PDE3A: variants seen among roughly 807,000 people sequenced by gnomAD.
PDE3A encodes phosphodiesterase 3A.
PDE3A carries 43 observed loss-of-function variants against 98.3 expected under a neutral mutation model. That is an observed-to-expected ratio of 0.44 (90% CI 0.34 to 0.56). The LOEUF (loss-of-function observed/expected upper bound fraction) is 0.56, where lower values mean the gene tolerates loss of function less well. PDE3A is among the 20% of genes least tolerant of loss of function. The pLI, the probability that PDE3A is intolerant of heterozygous loss-of-function variation, is 0.01. For synonymous variants in PDE3A, 663 were observed against 567.9 expected (o/e 1.17, Z -2.38); for missense variants, 1,427 against 1,440.7 (o/e 0.99, Z 0.15).
At chr12:20,469,006 G>A (rs1565559074) in intron 1 of PDE3A, among the ~76,000 whole-genome samples, 1 of 152,154 alleles carries the variant, frequency 6.6e-6, no homozygotes, top group Non-Finnish European at 1.5e-5. Context: ...CTGCACTGGA[G>A]GAGAAGTCCA....
At chr12:20,462,135 AT>A in intron 1 of PDE3A, among the ~76,000 whole-genome samples, 1 of 152,280 alleles carries the variant, frequency 6.6e-6, no homozygotes, top group African/African-American at 2.4e-5. Context: ...TGTTCTTCTC[AT>A]TGACAAGTAA....
chr12:20,675,795 T>G (rs562330718), intron 15 of PDE3A, among the ~76,000 whole-genome samples: 1 of 152,220 alleles, frequency 6.6e-6, no homozygotes, highest in Admixed American at 6.5e-5. Context: ...TTGCTTTTGT[T>G]TGCATGAAGT....
intron 15 of PDE3A, among the ~76,000 whole-genome samples, chr12:20,670,078 A>G (rs1400480124): frequency 6.7e-5 from 10 of 150,058 alleles, no homozygotes; most frequent in African/African-American, 2.2e-4. Context: ...CTTTAAACCA[A>G]CAAAGATCAA....
intron 4 of PDE3A, among the ~76,000 whole-genome samples, chr12:20,620,107 T>A (rs1592119174): frequency 6.6e-6 from 1 of 152,218 alleles, no homozygotes; most frequent in Non-Finnish European, 1.5e-5. Context: ...TAATATTACT[T>A]GCACAGAGGG....
intron 2 of PDE3A, among the ~76,000 whole-genome samples, chr12:20,564,946 C>CTGA (rs1182288789): frequency 2.0e-5 from 3 of 152,076 alleles, no homozygotes. Context: ...TAAACAACCA[C>CTGA]TGATAATAGA....
At chr12:20,449,785 G>C (rs977182699) in intron 1 of PDE3A, 8 of 515,510 alleles carry the variant, frequency 1.6e-5, no homozygotes, top group Non-Finnish European at 2.4e-5. Flanking sequence ...TGAGGGACTG[G>C]ATTACTTGGT....
At chr12:20,645,397 G>A (rs905945854) in intron 10 of PDE3A, among the ~76,000 whole-genome samples, 10 of 152,050 alleles carry the variant, frequency 6.6e-5, no homozygotes, top group Non-Finnish European at 1.3e-4. Flanking sequence ...TCTGACTAGG[G>A]AATAGGTGTT....
intron 1 of PDE3A, among the ~76,000 whole-genome samples, chr12:20,420,845 T>TA (rs1347191209): frequency 2.0e-5 from 3 of 152,130 alleles, no homozygotes; most frequent in Non-Finnish European, 4.4e-5. Flanking sequence ...TATTGAGCAA[T>TA]AAAAGGAAGA....
At chr12:20,640,459 C>T (rs1944620884) in intron 10 of PDE3A, among the ~76,000 whole-genome samples, 1 of 151,922 alleles carries the variant, frequency 6.6e-6, no homozygotes, top group African/African-American at 2.4e-5. Context: ...ATAAAGTTGG[C>T]TGGCGTTTAG....
chr12:20,460,859 A>G (rs1223288817), intron 1 of PDE3A, among the ~76,000 whole-genome samples: 2 of 152,158 alleles, frequency 1.3e-5, no homozygotes, highest in Non-Finnish European at 2.9e-5. Context: ...CATTCACATA[A>G]GCAAACACTA....
chr12:20,671,253 T>C (rs956441728), intron 15 of PDE3A, among the ~76,000 whole-genome samples: 4 of 149,798 alleles, frequency 2.7e-5, no homozygotes, highest in Non-Finnish European at 4.4e-5. Flanking sequence ...GATTCACAGC[T>C]GAATTCTACC....
intron 1 of PDE3A, among the ~76,000 whole-genome samples, chr12:20,518,077 A>C (rs917797957): frequency 6.6e-6 from 1 of 152,158 alleles, no homozygotes; most frequent in African/African-American, 2.4e-5. Context: ...CCTATGTACT[A>C]TTTGAATATC....
intron 2 of PDE3A, among the ~76,000 whole-genome samples, chr12:20,589,985 C>A (rs1463899191): frequency 6.6e-6 from 1 of 151,546 alleles, no homozygotes; most frequent in Non-Finnish European, 1.5e-5. Context: ...TACAGTGCAA[C>A]AGATCTAGTG....
chr12:20,417,400 T>C (rs572448096), intron 1 of PDE3A, among the ~76,000 whole-genome samples: 1 of 152,384 alleles, frequency 6.6e-6, no homozygotes, highest in East Asian at 1.9e-4. Context: ...GATACTGGTA[T>C]ATTAAAGAAT....
At chr12:20,521,952 C>G (rs1475298182) in intron 1 of PDE3A, among the ~76,000 whole-genome samples, 1 of 152,138 alleles carries the variant, frequency 6.6e-6, no homozygotes, top group Non-Finnish European at 1.5e-5. Context: ...ACTTAACACT[C>G]TCTCCTTTAT....
intron 2 of PDE3A, among the ~76,000 whole-genome samples, chr12:20,608,398 G>T (rs1039108560): frequency 6.6e-6 from 1 of 151,742 alleles, no homozygotes; most frequent in Non-Finnish European, 1.5e-5. Context: ...TTTTCCAATA[G>T]TAGAAGTGTT....
At chr12:20,638,444 G>A (rs1944570027) in intron 9 of PDE3A, among the ~76,000 whole-genome samples, 1 of 152,032 alleles carries the variant, frequency 6.6e-6, no homozygotes, top group Non-Finnish European at 1.5e-5. Context: ...GAATATAATG[G>A]CAGCCCTTGC....
chr12:20,395,319 A>T (rs1943989230), intron 1 of PDE3A, among the ~76,000 whole-genome samples: 1 of 151,948 alleles, frequency 6.6e-6, no homozygotes, highest in African/African-American at 2.4e-5. Flanking sequence ...TTCTATTTAG[A>T]ATATAAACTG....
intron 1 of PDE3A, among the ~76,000 whole-genome samples, chr12:20,407,968 G>A (rs950975225): frequency 6.6e-6 from 1 of 152,054 alleles, no homozygotes; most frequent in Non-Finnish European, 1.5e-5. Context: ...CCCCCAGGCT[G>A]TAGTGCAGTG....
Sources: allele counts gnomAD v4.1 joint callset (sites outside exome capture counted in the v4.1 genomes callset), GRCh38; gene constraint gnomAD v4.1.1; transcripts MANE v1.5; gene names NCBI Gene and HGNC (gene_info 2026-07-23, HGNC 2026-07-21).